The following STK3 variants were observed in gnomAD, a reference collection of about 807,000 sequenced individuals.
STK3 encodes serine/threonine kinase 3.
Under a neutral mutation model 58.0 loss-of-function variants are expected in STK3, and 41 were observed. The observed-to-expected ratio is 0.71, with a 90% CI of 0.55 to 0.92. The LOEUF (loss-of-function observed/expected upper bound fraction) is 0.92, where lower values mean the gene tolerates loss of function less well. Ranked by LOEUF, STK3 falls within the 40% of genes least tolerant of loss-of-function variation. STK3 has a pLI of 0.00. For missense variants in STK3, 479 were observed against 602.7 expected (o/e 0.79, Z 2.15); for synonymous variants, 170 against 191.0 (o/e 0.89, Z 0.91).
At chr8:98,678,931 G>A (rs1823419343) in intron 6 of STK3, among the ~76,000 whole-genome samples, 1 of 152,022 alleles carries the variant, frequency 6.6e-6, no homozygotes, top group Non-Finnish European at 1.5e-5. Flanking sequence ...CTGCCTTCCT[G>A]CTTATATTTT....
chr8:98,846,021 G>A (rs886503623), intron 3 of STK3, among the ~76,000 whole-genome samples: 5 of 152,258 alleles, frequency 3.3e-5, no homozygotes, highest in Non-Finnish European at 5.9e-5. Flanking sequence ...AGACATCAGA[G>A]CTTCTGACAG....
rs188316782 is a variant in STK3, at chr8:98,719,654, T to A, written c.352-12343A>T. Among the ~76,000 whole-genome samples, 163 of 152,360 alleles carry A rather than the reference T, an allele frequency of 1.1e-3. 2 individuals carry two copies. Among genetic ancestry groups the A allele is most frequent in the Admixed American group, 3.5e-3 (54 of 15,302 alleles). ...TCAAAGTATCTTCATGTAGAGGCAA[T>A]CTTCACTAAATAAAATTCTCACTCA... On this transcript the variant is annotated intron_variant, in intron 4 of 10. Transcript: ENST00000419617.
chr8:98,790,104 G>T (rs1054075830), intron 1 of STK3, among the ~76,000 whole-genome samples: 2 of 144,630 alleles, frequency 1.4e-5, no homozygotes, highest in Admixed American at 7.0e-5. Context: ...ATTCAAAGAA[G>T]AATTGGTGCC....
At chr8:98,661,812 A>G (rs1821985413) in intron 6 of STK3, among the ~76,000 whole-genome samples, 1 of 152,050 alleles carries the variant, frequency 6.6e-6, no homozygotes, top group African/African-American at 2.4e-5. Context: ...TTCTCTGATT[A>G]GAAAAACCTT....
chr8:98,501,401 T>A (rs1229433418), intron 10 of STK3, among the ~76,000 whole-genome samples: 1 of 152,224 alleles, frequency 6.6e-6, no homozygotes, highest in African/African-American at 2.4e-5. Flanking sequence ...AGAAGCTCTT[T>A]AATTTAATTA....
chr8:98,620,679 T>G (rs1818218048), intron 6 of STK3, among the ~76,000 whole-genome samples: 1 of 150,546 alleles, frequency 6.6e-6, no homozygotes, highest in African/African-American at 2.4e-5. Flanking sequence ...AGAAAGAAAA[T>G]AATAAAGAGT....
rs113134696 is a variant in STK3 at position 98,921,985 on chromosome 8, C to T, written c.-79+20393G>A. Among the ~76,000 whole-genome samples the T allele has an allele frequency of 8.9e-3, 1,353 of 152,304 alleles. 17 individuals carry two copies. The highest frequency in any genetic ancestry group is 0.029 in the African/African-American group (1,222 of 41,560). On this transcript the variant is annotated intron_variant, in intron 1 of 1. Coordinates refer to the STK3 transcript ENST00000519420. ...CTGGGATTACAAGCATAAGCCACCACGCCCGGCCTATCAACAGTCATTTCT... is the reference window on the plus strand; with the variant it reads ...CTGGGATTACAAGCATAAGCCACCATGCCCGGCCTATCAACAGTCATTTCT...
chr8:98,619,217 G>C (rs1383511719), intron 6 of STK3, among the ~76,000 whole-genome samples: 2,587 of 149,638 alleles, frequency 0.017, 69 homozygotes, highest in African/African-American at 0.061. Context: ...AATGGGGAAA[G>C]GATTCCCTAT....
At chr8:98,427,869 A>C in intron 3 of STK3, 4 of 846,232 alleles carry the variant, frequency 4.7e-6, no homozygotes, top group Non-Finnish European at 5.4e-6. Context: ...CCCGCCAGTA[A>C]TGGGTAGGGA....
Position 98,691,897 on chromosome 8 carries a change from A to C in STK3, c.684+14570T>G, listed in dbSNP as rs192348429. 4.0e-5 allele frequency among the ~76,000 whole-genome samples: 6 copies of C among 149,560 alleles called. No individual in the cohort carries two copies. The East Asian group carries it at 1.2e-3, about 30-fold the overall frequency. On this transcript the variant is annotated intron_variant, in intron 6 of 10. Coordinates refer to ENST00000419617, the MANE Select transcript of STK3 (RefSeq NM_006281.4). ...CAGTGAGCCGAGATCATGCCACTAC[A>C]CTCTAGCCTGGGTGACAGAGCAAAA...
chr8:98,589,609 G>C (rs1226652862), intron 7 of STK3, among the ~76,000 whole-genome samples: 2 of 152,376 alleles, frequency 1.3e-5, no homozygotes, highest in Non-Finnish European at 2.9e-5. Context: ...GCCTTCTTGA[G>C]CTGTGGTGGG....
chr8:98,634,409 AGGATCACTTGAACCCAGGAAGC>A (rs530205353), intron 6 of STK3, among the ~76,000 whole-genome samples: 150 of 152,190 alleles, frequency 9.9e-4, no homozygotes, highest in African/African-American at 3.3e-3. Flanking sequence ...CTGAGGTGGG[AGGATCACTTGAACCCAGGAAGC>A]GGAGGTTCCA....
At chr8:98,848,469 G>A (rs1470730352) in intron 3 of STK3, among the ~76,000 whole-genome samples, 2 of 152,008 alleles carry the variant, frequency 1.3e-5, no homozygotes, top group African/African-American at 2.4e-5. Flanking sequence ...GGCTGGTCTC[G>A]AACTCCTGAC....
chr8:98,843,618 C>A (rs1292202946), intron 3 of STK3, among the ~76,000 whole-genome samples: 1 of 152,224 alleles, frequency 6.6e-6, no homozygotes, highest in Non-Finnish European at 1.5e-5. Context: ...TCCACAACCT[C>A]TTCTTGTCAT....
intron 6 of STK3, chr8:98,598,803 T>G: frequency 1.0e-6 from 1 of 985,364 alleles, no homozygotes; most frequent in South Asian, 4.7e-5. Context: ...TCCTTGTGTT[T>G]GTTTCTACAC....
the STK3 span, among the ~76,000 whole-genome samples, chr8:98,351,336 G>A: frequency 1.3e-5 from 2 of 152,184 alleles, no homozygotes; most frequent in African/African-American, 2.4e-5. Flanking sequence ...TGGAGACATA[G>A]TACAACTATT....
chr8:98,924,936 CCAA>C (rs1839726233), intron 1 of STK3, among the ~76,000 whole-genome samples: 1 of 151,936 alleles, frequency 6.6e-6, no homozygotes, highest in Non-Finnish European at 1.5e-5. Flanking sequence ...CGGTATGGTA[CCAA>C]CAAGAAGGGA....
intron 8 of STK3, among the ~76,000 whole-genome samples, chr8:98,575,471 A>G (rs1053263250): frequency 2.0e-5 from 3 of 150,844 alleles, no homozygotes; most frequent in Admixed American, 6.7e-5. Context: ...CAGCATTTTC[A>G]TCACCTCAAA....
intron 9 of STK3, among the ~76,000 whole-genome samples, chr8:98,543,764 A>C (rs1232827350): frequency 6.6e-6 from 1 of 152,204 alleles, no homozygotes; most frequent in Non-Finnish European, 1.5e-5. Context: ...TGCTGAACAG[A>C]GAAACACAGG....
Sources: gnomAD v4.1 joint callset for allele counts (sites outside exome capture counted in the v4.1 genomes callset) on GRCh38, gnomAD v4.1.1 for gene constraint, MANE v1.5 for transcripts, NCBI Gene and HGNC (gene_info 2026-07-23, HGNC 2026-07-21) for gene names.